Variants in TBC1D16 observed in about 807,000 individuals in gnomAD.
TBC1D16 encodes the protein CTD-2529O21.1.
TBC1D16 carries 58 observed loss-of-function variants against 74.7 expected under a neutral mutation model. The observed-to-expected ratio is 0.78, with a 90% CI of 0.63 to 0.97. TBC1D16 has a LOEUF of 0.97. Among genes scored for constraint, TBC1D16 ranks in the 50% least tolerant of loss-of-function variants. The pLI, the probability that TBC1D16 is intolerant of heterozygous loss-of-function variation, is 0.00. For missense variants in TBC1D16, 1,014 were observed against 1,079.5 expected, an observed-to-expected ratio of 0.94 and a Z score of 0.85; for synonymous variants, 493 against 474.7, an observed-to-expected ratio of 1.04 and a Z score of -0.50.
At chr17:80,023,708 GC>G (rs2036375560) in intron 1 of TBC1D16, among the ~76,000 whole-genome samples, 1 of 149,302 alleles carries the variant, frequency 6.7e-6, no homozygotes, top group Non-Finnish European at 1.5e-5. Flanking sequence ...CTCCTCGGTG[GC>G]CCGCCTGGCC....
intron 3 of TBC1D16, among the ~76,000 whole-genome samples, chr17:79,984,594 GAGAA>G (rs1183903972): frequency 1.8e-5 from 2 of 108,410 alleles, no homozygotes; most frequent in African/African-American, 6.8e-5. Context: ...AAGAAAGAAA[GAGAA>G]AGAAAAGAGG....
At position 79,988,627 on chromosome 17, in the gene TBC1D16, C is replaced by A. The variant is rs936209477; in HGVS notation, c.779+21533G>T. Among the ~76,000 whole-genome samples, 1 of 152,232 alleles carries A rather than the reference C, an allele frequency of 6.6e-6. No individual in the cohort carries two copies. The highest frequency in any genetic ancestry group is 1.5e-5 in the Non-Finnish European group (1 of 68,044). ...TTGTCAACACACACCAGCAACTTAA[C>A]AAATCAACTCCAACAAAGGGGAAAA... On this transcript the variant is annotated intron_variant, in intron 3 of 11. Transcript: ENST00000310924. The surrounding 1 kb of genome is among the most constrained non-coding windows in gnomAD (Gnocchi z 5.7).
chr17:80,022,785 T>G (rs2036330134), intron 1 of TBC1D16, among the ~76,000 whole-genome samples: 1 of 149,362 alleles, frequency 6.7e-6, no homozygotes, highest in African/African-American at 2.6e-5. Context: ...TACAGGCACC[T>G]GCCATTACAC....
In TBC1D16 at chr17:80,013,640, G is replaced by C. The variant is rs2035982617; in HGVS notation, c.-62-31C>G. 4 of 1,349,310 alleles carry C rather than the reference G, an allele frequency of 3.0e-6. No homozygotes were observed. The African/African-American group carries it at 4.5e-5, about 15-fold the overall frequency. The allele number at this position is 1,349,310 out of a possible 1,614,324, so 83.6% of individuals were successfully genotyped here. A position where few individuals can be genotyped will look rare whatever the true frequency, so the allele number is the denominator to read the frequency against. ...GGAGGAAGAGAGAGGAGATGGTCAAGGTTGTGGACTTGCGTTCTGTCTCAC... is the reference window on the plus strand; with the variant it reads ...GGAGGAAGAGAGAGGAGATGGTCAACGTTGTGGACTTGCGTTCTGTCTCAC... On this transcript the variant is annotated intron_variant, in intron 1 of 11. Coordinates refer to ENST00000310924, the MANE Select transcript of TBC1D16 (RefSeq NM_019020.4).
Position 80,027,361 on chromosome 17 carries a change from C to T in TBC1D16, c.-63+8434G>A, listed in dbSNP as rs2036614310. On this transcript the variant is annotated intron_variant, in intron 1 of 11. Transcript: ENST00000310924. Reference sequence around the variant, plus strand: ...CCTATAGTCCCAGATACTCAGAAGGCTGAGTCAAGAGAATCGCTTGAGCCC... The same window carrying T: ...CCTATAGTCCCAGATACTCAGAAGGTTGAGTCAAGAGAATCGCTTGAGCCC... Among the ~76,000 whole-genome samples, 4 of 152,094 alleles carry T rather than the reference C, an allele frequency of 2.6e-5. 1 individual carries two copies. The South Asian group carries it at 8.3e-4, about 32-fold the overall frequency.
At position 79,941,887 on chromosome 17, in the gene TBC1D16, G is replaced by A. The variant is rs1027110018; in HGVS notation, c.2055+173C>T. Among the ~76,000 whole-genome samples the A allele has an allele frequency of 1.3e-5, 2 of 150,570 alleles. No homozygotes were observed. The highest frequency in any genetic ancestry group is 2.9e-5 in the Non-Finnish European group (2 of 67,968). On this transcript the variant is annotated intron_variant, in intron 11 of 11. Coordinates refer to ENST00000310924, the MANE Select transcript of TBC1D16 (RefSeq NM_019020.4). The surrounding 1 kb of genome is among the most constrained non-coding windows in gnomAD (Gnocchi z 4.3). ...AGGTGCTGACCACGAGGCCTTAGTGGGGAGCCCCCAGTGCTATGGGTGGGG... is the reference window on the plus strand; with the variant it reads ...AGGTGCTGACCACGAGGCCTTAGTGAGGAGCCCCCAGTGCTATGGGTGGGG...
At chr17:80,024,912 AC>A (rs2036494547) in intron 1 of TBC1D16, among the ~76,000 whole-genome samples, 1 of 118,798 alleles carries the variant, frequency 8.4e-6, no homozygotes, top group Non-Finnish European at 1.6e-5. Context: ...CATCACACAC[AC>A]ACCACACACC....
At chr17:80,025,582 G>C (rs9894820) in intron 1 of TBC1D16, among the ~76,000 whole-genome samples, 25,544 of 119,706 alleles carry the variant, frequency 0.21, 4,188 homozygotes, top group African/African-American at 0.37. Context: ...GGGAGCAGCC[G>C]CCTGCTGGGA....
chr17:79,949,547 G>T (rs1417054891), intron 7 of TBC1D16, among the ~76,000 whole-genome samples, 170 bp downstream of exon 7: 1 of 152,236 alleles, frequency 6.6e-6, no homozygotes, highest in South Asian at 2.1e-4. Flanking sequence ...TTGGTTTAAT[G>T]ACTGCACTTA....
chr17:80,000,446 T>G lies in TBC1D16; in HGVS notation c.779+9714A>C, dbSNP rs1187092840. Among the ~76,000 whole-genome samples, 2 of 152,308 alleles carry G rather than the reference T, an allele frequency of 1.3e-5. No individual in the cohort carries two copies. The highest frequency in any genetic ancestry group is 2.9e-5 in the Non-Finnish European group (2 of 68,028). On this transcript the variant is annotated intron_variant, in intron 3 of 11. Coordinates refer to ENST00000310924, the MANE Select transcript of TBC1D16 (RefSeq NM_019020.4). This position sits in a 1 kb window ranked among gnomAD's most constrained non-coding sequence, Gnocchi z 4.1. ...ATGTGGCCACAAGCCAAGGAATGCC[T>G]GCAGCCACTCAAACCGGAAGAGACC...
At position 79,950,914 on chromosome 17, in the gene TBC1D16, T is replaced by C. The variant is rs1012693526; in HGVS notation, c.1090-336A>G. The C allele has an allele frequency of 2.2e-6, 3 of 1,395,002 alleles. No individual in the cohort carries two copies. Among genetic ancestry groups the C allele is most frequent in the East Asian group, 5.0e-5 (2 of 39,862 alleles). 86.4% of individuals were successfully genotyped at this position (1,395,002 alleles called of 1,614,324 possible). A position where few individuals can be genotyped will look rare whatever the true frequency, so the allele number is the denominator to read the frequency against. On this transcript the variant is annotated intron_variant, in intron 5 of 11. Transcript: ENST00000310924. The surrounding 1 kb of genome is among the most constrained non-coding windows in gnomAD (Gnocchi z 4.6). ...AGGGCCTGCAATGAATTACATGTGA[T>C]TGGCCACATACAAAGGGATCGCTGT...
chr17:79,941,004 ATGGAGCCGC>A lies in TBC1D16; in HGVS notation c.2150_2158del (p.Ser717_Ser719del). On this transcript the variant is annotated inframe_deletion, in exon 12 of 12. Coordinates refer to ENST00000310924, the MANE Select transcript of TBC1D16 (RefSeq NM_019020.4). The surrounding 1 kb of genome is among the most constrained non-coding windows in gnomAD (Gnocchi z 4.3). Reference sequence around the variant, plus strand: ...GTGGCCGGTGCACTCCACCGCGGGCATGGAGCCGCTGTCCCACATGCCTGACCCGCACAG... The same window carrying A: ...GTGGCCGGTGCACTCCACCGCGGGCATGTCCCACATGCCTGACCCGCACAG... The A allele has an allele frequency of 6.2e-7, 1 of 1,608,334 alleles. No individual in the cohort carries two copies. The highest frequency in any genetic ancestry group is 8.5e-7 in the Non-Finnish European group (1 of 1,178,200).
intron 3 of TBC1D16, among the ~76,000 whole-genome samples, chr17:79,953,878 C>T (rs2033205667): frequency 6.6e-6 from 1 of 151,848 alleles, no homozygotes; most frequent in Non-Finnish European, 1.5e-5. Context: ...TCAAGCGATT[C>T]TCCTGCCTCA....
chr17:79,984,656 G>GGAAGGAAA (rs2034753333), intron 3 of TBC1D16, among the ~76,000 whole-genome samples: 1 of 145,728 alleles, frequency 6.9e-6, no homozygotes, highest in East Asian at 2.0e-4. Flanking sequence ...AAGGAAGGAA[G>GGAAGGAAA]GAAAGGAGAC....
At chr17:79,958,685 A>G (rs1391656760) in intron 3 of TBC1D16, among the ~76,000 whole-genome samples, 1 of 152,246 alleles carries the variant, frequency 6.6e-6, no homozygotes, top group African/African-American at 2.4e-5. Context: ...GCATTCGACA[A>G]AAATCCAATG....
Position 79,950,587 on chromosome 17 carries a change from G to A in TBC1D16, c.1090-9C>T, listed in dbSNP as rs755534847. 6 of 1,610,344 alleles carry A rather than the reference G, an allele frequency of 3.7e-6. No individual in the cohort carries two copies. Among genetic ancestry groups the A allele is most frequent in the Non-Finnish European group, 5.1e-6 (6 of 1,178,682 alleles). Reference sequence around the variant, plus strand: ...TTATCGGGGGCGACCTGCTGGACGGGAGGAAAACTGGGCAAAGGTCAGGAT... The same window carrying A: ...TTATCGGGGGCGACCTGCTGGACGGAAGGAAAACTGGGCAAAGGTCAGGAT... On this transcript the variant is annotated splice_polypyrimidine_tract_variant and intron_variant, in intron 5 of 11. Transcript: ENST00000310924. This position sits in a 1 kb window ranked among gnomAD's most constrained non-coding sequence, Gnocchi z 4.6.
chr17:79,986,535 A>G lies in TBC1D16; in HGVS notation c.779+23625T>C, dbSNP rs1474928629. 6.6e-6 allele frequency among the ~76,000 whole-genome samples: 1 copy of G among 152,186 alleles called. No individual in the cohort carries two copies. Among genetic ancestry groups the G allele is most frequent in the Non-Finnish European group, 1.5e-5 (1 of 68,022 alleles). ...TCCCTACCCCAGGACCTTCCACCAG[A>G]AAAGGCCAAAGAGAGACCACACGTG... is the stretch of plus-strand genomic sequence containing the variant. On this transcript the variant is annotated intron_variant, in intron 3 of 11. Transcript: ENST00000310924. This position sits in a 1 kb window ranked among gnomAD's most constrained non-coding sequence, Gnocchi z 6.0.
At chr17:79,951,426 T>A (rs369453355) in intron 5 of TBC1D16, 24 bp downstream of exon 5, 1 of 1,609,086 alleles carries the variant, frequency 6.2e-7, no homozygotes, top group African/African-American at 1.3e-5. Context: ...CCGCTGGGCA[T>A]TCTGGGGCCG....
intron 1 of TBC1D16, among the ~76,000 whole-genome samples, chr17:80,023,657 G>GCCCCCCCCCCCCCCC: frequency 6.9e-6 from 1 of 144,316 alleles, no homozygotes; most frequent in African/African-American, 2.8e-5. Flanking sequence ...CTGCTGCCGG[G>GCCCCCCCCCCCCCCC]CCCCCCCCCA....
Sources: allele counts gnomAD v4.1 joint callset (sites outside exome capture counted in the v4.1 genomes callset), GRCh38; gene constraint gnomAD v4.1.1; non-coding constraint Gnocchi (gnomAD v3.1); transcripts MANE v1.5; gene names NCBI Gene and HGNC (gene_info 2026-07-23, HGNC 2026-07-21).